Variants in ITGA8 observed in about 807,000 individuals in gnomAD.
ITGA8 encodes integrin subunit alpha 8, also known as integrin alpha-8.
In ITGA8, 91 loss-of-function variants were observed where a neutral mutation model predicts 142.3. The observed-to-expected ratio is 0.64, with a 90% CI of 0.54 to 0.76. ITGA8 has a LOEUF of 0.76. Among genes scored for constraint, ITGA8 ranks in the 30% least tolerant of loss-of-function variants. The pLI, the probability that ITGA8 is intolerant of heterozygous loss-of-function variation, is 0.00. For synonymous variants in ITGA8, 505 were observed against 485.2 expected (o/e 1.04, Z -0.54); for missense variants, 1,406 against 1,327.7 (o/e 1.06, Z -0.92).
At chr10:15,671,479 C>G in intron 8 of ITGA8, 124 bp downstream of exon 8, 1 of 750,258 alleles carries the variant, frequency 1.3e-6, no homozygotes, top group Non-Finnish European at 2.3e-6. Flanking sequence ...TATAGGCACT[C>G]TGGGACTCCA....
chr10:15,574,723 TA>T (rs1477692154), intron 24 of ITGA8, among the ~76,000 whole-genome samples: 2 of 151,400 alleles, frequency 1.3e-5, no homozygotes, highest in African/African-American at 4.8e-5. Context: ...ATTTTTTTTT[TA>T]GCACAATAAT....
intron 13 of ITGA8, among the ~76,000 whole-genome samples, chr10:15,638,196 T>C (rs1833806579): frequency 6.6e-6 from 1 of 152,166 alleles, no homozygotes; most frequent in African/African-American, 2.4e-5. Flanking sequence ...TGAATAAATA[T>C]AAACCAAACC....
At chr10:15,591,234 C>T (rs961449850) in intron 22 of ITGA8, among the ~76,000 whole-genome samples, 1 of 151,876 alleles carries the variant, frequency 6.6e-6, no homozygotes, top group African/African-American at 2.4e-5. Flanking sequence ...AGCAAGGGTT[C>T]AACATGCCAG....
chr10:15,549,403 G>C (rs190560733), intron 26 of ITGA8, among the ~76,000 whole-genome samples: 5 of 151,550 alleles, frequency 3.3e-5, no homozygotes, highest in African/African-American at 1.2e-4. Flanking sequence ...TAGAGATGGG[G>C]TTTCACCATG....
At chr10:15,718,651 G>T in intron 2 of ITGA8, 115 bp downstream of exon 2, 1 of 1,310,152 alleles carries the variant, frequency 7.6e-7, no homozygotes. Context: ...CCACAATACG[G>T]ACATATCAGA....
intron 2 of ITGA8, among the ~76,000 whole-genome samples, chr10:15,701,812 C>T (rs1435481140): frequency 6.6e-6 from 1 of 152,192 alleles, no homozygotes; most frequent in East Asian, 1.9e-4. Flanking sequence ...AAAGCTGTTG[C>T]AGGAGCTATC....
At chr10:15,719,346 G>A (rs1042279358) in intron 1 of ITGA8, among the ~76,000 whole-genome samples, 13 of 152,220 alleles carry the variant, frequency 8.5e-5, no homozygotes, top group African/African-American at 3.1e-4. Context: ...GGACTTGCGT[G>A]TTCTATGCAA....
At chr10:15,599,016 C>G (rs1237198807) in intron 20 of ITGA8, among the ~76,000 whole-genome samples, 8 of 151,950 alleles carry the variant, frequency 5.3e-5, no homozygotes, top group Admixed American at 4.6e-4. Context: ...AGAACAAAAC[C>G]CAGAAAAATC....
At chr10:15,689,825 C>G (rs1304259726) in intron 2 of ITGA8, among the ~76,000 whole-genome samples, 1 of 152,194 alleles carries the variant, frequency 6.6e-6, no homozygotes, top group African/African-American at 2.4e-5. Context: ...CTTCATCTGC[C>G]CATCCCAGTT....
intron 25 of ITGA8, among the ~76,000 whole-genome samples, chr10:15,559,657 G>C (rs893930832): frequency 6.6e-6 from 1 of 152,064 alleles, no homozygotes; most frequent in Non-Finnish European, 1.5e-5. Flanking sequence ...TGGCAATTTT[G>C]TCATGTCCTT....
intron 13 of ITGA8, among the ~76,000 whole-genome samples, chr10:15,638,404 T>C (rs1048295545): frequency 6.6e-5 from 10 of 152,192 alleles, no homozygotes; most frequent in Non-Finnish European, 1.5e-4. Flanking sequence ...ATTGGGGCAA[T>C]GTGTATGCCC....
At chr10:15,670,506 A>G (rs1588712393) in intron 8 of ITGA8, among the ~76,000 whole-genome samples, 1 of 152,220 alleles carries the variant, frequency 6.6e-6, no homozygotes. Flanking sequence ...GTATGAATCT[A>G]TTACGAGCAA....
intron 23 of ITGA8, among the ~76,000 whole-genome samples, chr10:15,582,899 A>T (rs1834435968): frequency 2.6e-5 from 4 of 152,254 alleles, no homozygotes; most frequent in Admixed American, 2.6e-4. Flanking sequence ...CACATATCAT[A>T]CAACTCGGTA....
At chr10:15,681,184 G>C (rs1564406446) in intron 4 of ITGA8, among the ~76,000 whole-genome samples, 1 of 152,138 alleles carries the variant, frequency 6.6e-6, no homozygotes, top group East Asian at 1.9e-4. Context: ...AACATGAGGA[G>C]CTTCTTTAAA....
At chr10:15,633,753 T>C (rs1395386787) in intron 13 of ITGA8, among the ~76,000 whole-genome samples, 2 of 152,146 alleles carry the variant, frequency 1.3e-5, no homozygotes, top group Non-Finnish European at 2.9e-5. Flanking sequence ...CTATATTACA[T>C]AGTCCTAGAA....
intron 23 of ITGA8, among the ~76,000 whole-genome samples, chr10:15,579,363 T>C (rs1834361287): frequency 6.6e-6 from 1 of 152,128 alleles, no homozygotes; most frequent in Admixed American, 6.5e-5. Context: ...TTACTGTAAG[T>C]AATGACAGTA....
At chr10:15,537,886 G>C (rs1833478954) in intron 27 of ITGA8, among the ~76,000 whole-genome samples, 1 of 152,056 alleles carries the variant, frequency 6.6e-6, no homozygotes, top group Non-Finnish European at 1.5e-5. Context: ...GGAAGGCCAA[G>C]GCAAGAGGAT....
intron 15 of ITGA8, among the ~76,000 whole-genome samples, chr10:15,613,170 A>AAAAT (rs1554777864): frequency 0.014 from 491 of 36,136 alleles, 5 homozygotes; most frequent in African/African-American, 0.024. Context: ...CAATAAATAA[A>AAAAT]AAATAAATAA....
intron 13 of ITGA8, among the ~76,000 whole-genome samples, chr10:15,629,731 A>T (rs1269628579): frequency 6.6e-6 from 1 of 152,048 alleles, no homozygotes; most frequent in Non-Finnish European, 1.5e-5. Context: ...GTTTGAGATC[A>T]ACCTGGCCAA....
Sources: allele counts gnomAD v4.1 joint callset (sites outside exome capture counted in the v4.1 genomes callset), GRCh38; gene constraint gnomAD v4.1.1; transcripts MANE v1.5; gene names NCBI Gene and HGNC (gene_info 2026-07-23, HGNC 2026-07-21).